The following PIAS2 variants were observed in gnomAD, a reference collection of about 807,000 sequenced individuals.
The protein encoded by PIAS2 is protein inhibitor of activated STAT 2.
In PIAS2, 19 loss-of-function variants were observed where a neutral mutation model predicts 69.7. That is an observed-to-expected ratio of 0.27 (90% CI 0.19 to 0.40). The LOEUF (loss-of-function observed/expected upper bound fraction) is 0.40. PIAS2 is among the 10% of genes least tolerant of loss of function. The pLI is 1.00. For missense variants in PIAS2, 624 were observed against 757.0 expected (o/e 0.82, Z 2.06); for synonymous variants, 261 against 263.2 (o/e 0.99, Z 0.08).
intron 2 of PIAS2, among the ~76,000 whole-genome samples, chr18:46,873,449 G>A (rs2050679209): frequency 1.3e-5 from 2 of 152,304 alleles, no homozygotes; most frequent in Admixed American, 1.3e-4. Flanking sequence ...GGGGAAAAAG[G>A]AGTAATGGGT....
chr18:46,817,198 T>G (rs1176636077), intron 12 of PIAS2: 4 of 965,014 alleles, frequency 4.1e-6, no homozygotes, highest in Non-Finnish European at 4.9e-6. Context: ...TCTTTAATAT[T>G]TGCTGTATCT....
intron 8 of PIAS2, among the ~76,000 whole-genome samples, chr18:46,842,102 G>A (rs1371950934): frequency 1.6e-4 from 24 of 151,706 alleles, no homozygotes; most frequent in Admixed American, 1.6e-3. Flanking sequence ...GGCGTGTGGC[G>A]GTAGTCCCTG....
In PIAS2 at chr18:46,812,211, T is replaced by C. The variant is rs999057029; in HGVS notation, c.*222A>G. 8.3e-5 allele frequency: 34 copies of C among 410,812 alleles called. No homozygotes were observed. Among genetic ancestry groups the C allele is most frequent in the Non-Finnish European group, 1.5e-4 (34 of 230,380 alleles). 25.4% of individuals were successfully genotyped at this position (410,812 alleles called of 1,614,324 possible). A position where few individuals can be genotyped will look rare whatever the true frequency, so the allele number is the denominator to read the frequency against. On this transcript the variant is annotated 3_prime_UTR_variant, in exon 14 of 14. Coordinates refer to ENST00000585916, the MANE Select transcript of PIAS2 (RefSeq NM_004671.5). The stretch of plus-strand genomic sequence containing the variant: ...AGGAAGATACAGTTATGGTTGAATG[T>C]ATCTGATGCTGAGAGTACAGCATAA...
Position 46,807,366 on chromosome 18 carries a change from TATATATATATATA to T in PIAS2, c.*5054_*5066del. 1 of 26,870 alleles carries T rather than the reference TATATATATATATA, an allele frequency of 3.7e-5. No individual in the cohort carries two copies. Among genetic ancestry groups the T allele is most frequent in the East Asian group, 5.2e-4 (1 of 1,926 alleles). 1.7% of individuals were successfully genotyped at this position (26,870 alleles called of 1,614,324 possible). Reference sequence around the variant, plus strand: ...AAACATGTCAGATTTTATATATATATATATATATATATATATATTTTTTTTTTTTTTTTTTTTT... The same window carrying T: ...AAACATGTCAGATTTTATATATATATTATATTTTTTTTTTTTTTTTTTTTT... On this transcript the variant is annotated 3_prime_UTR_variant, in exon 14 of 14. Coordinates refer to ENST00000585916, the MANE Select transcript of PIAS2 (RefSeq NM_004671.5).
chr18:46,847,575 G>A (rs2046340214), intron 5 of PIAS2, among the ~76,000 whole-genome samples: 1 of 151,104 alleles, frequency 6.6e-6, no homozygotes, highest in African/African-American at 2.4e-5. Flanking sequence ...TCCGCCTCTC[G>A]GGTTCACGCC....
chr18:46,836,409 T>G lies in PIAS2; in HGVS notation c.1150A>C (p.Ile384Leu). ...LQMNEKKPTW[I>L]CPVCDKKAAY... ...GCTTTTTTGTCACACACAGGACAAA[T>G]CCAGGTGGGCTTTTTCTCATTCATT... The change falls in exon 9 of 14, where the codon ATT becomes CTT. Residue 384 changes from isoleucine (I) to leucine (L), a missense_variant. Ile to Leu is a conservative substitution (Grantham distance 5, BLOSUM62 2). Coordinates refer to ENST00000585916, the MANE Select transcript of PIAS2 (RefSeq NM_004671.5). 6.2e-7 allele frequency: 1 copy of G among 1,614,054 alleles called. No homozygotes were observed. The highest frequency in any genetic ancestry group is 8.5e-7 in the Non-Finnish European group (1 of 1,179,924).
chr18:46,832,892 C>CAAAAAAAAAAAAAAAAAA (rs34958166), intron 9 of PIAS2, among the ~76,000 whole-genome samples: 8 of 105,964 alleles, frequency 7.5e-5, no homozygotes, highest in South Asian at 3.2e-4. Context: ...CCTCTGTCTC[C>CAAAAAAAAAAAAAAAAAA]AAAAAAAAAA....
intron 4 of PIAS2, 50 bp from the exon 5 acceptor site, chr18:46,855,485 C>A: frequency 1.3e-6 from 2 of 1,566,120 alleles, no homozygotes; most frequent in Non-Finnish European, 1.8e-6. Flanking sequence ...CTCAAACATT[C>A]TTATATGTTT....
intron 2 of PIAS2, among the ~76,000 whole-genome samples, chr18:46,888,651 T>C (rs1284795014): frequency 6.6e-6 from 1 of 152,166 alleles, no homozygotes; most frequent in East Asian, 1.9e-4. Context: ...GATGAAACTG[T>C]TCCACCTCAG....
rs34185543 is a variant in PIAS2, at chr18:46,916,403, TA to T, written c.24+918del. Among the ~76,000 whole-genome samples the T allele has an allele frequency of 7.3e-3, 1,071 of 146,716 alleles. 6 individuals carry two copies. Among genetic ancestry groups the T allele is most frequent in the East Asian group, 0.017 (87 of 5,064 alleles). ...ACACTCATCTCTACCTTGATACATT[TA>T]AAAAAAAAAAAAATCAGGGTTTCTG... On this transcript the variant is annotated intron_variant, in intron 1 of 13. Transcript: ENST00000585916.
Position 46,807,373 on chromosome 18 carries a change from ATATATATATATTTTTTT to A in PIAS2, c.*5043_*5059del, listed in dbSNP as rs1479078053. 1.5e-4 allele frequency: 4 copies of A among 26,036 alleles called. No individual in the cohort carries two copies. The highest frequency in any genetic ancestry group is 1.1e-3 in the African/African-American group (4 of 3,500). 1.6% of individuals were successfully genotyped at this position (26,036 alleles called of 1,614,324 possible). ...TCAGATTTTATATATATATATATAT[ATATATATATATTTTTTT>A]TTTTTTTTTTTTTTTTTTTTAGAGA... On this transcript the variant is annotated 3_prime_UTR_variant, in exon 14 of 14. Coordinates refer to ENST00000585916, the MANE Select transcript of PIAS2 (RefSeq NM_004671.5).
chr18:46,893,415 C>T, intron 1 of PIAS2: 2 of 946,732 alleles, frequency 2.1e-6, no homozygotes, highest in Non-Finnish European at 2.5e-6. Context: ...CAAAACAAAG[C>T]ACAAAGTCAT....
intron 8 of PIAS2, among the ~76,000 whole-genome samples, chr18:46,841,524 A>G (rs2045385742): frequency 6.6e-6 from 1 of 152,158 alleles, no homozygotes; most frequent in South Asian, 2.1e-4. Flanking sequence ...TTCATCATCT[A>G]ACTTCTGTCA....
chr18:46,901,625 G>C (rs1409353375), intron 1 of PIAS2, among the ~76,000 whole-genome samples: 1 of 152,084 alleles, frequency 6.6e-6, no homozygotes, highest in East Asian at 1.9e-4. Flanking sequence ...CTCTGTATTT[G>C]TTTTGAGATC....
intron 2 of PIAS2, among the ~76,000 whole-genome samples, chr18:46,868,863 G>A (rs2049895481): frequency 6.6e-6 from 1 of 152,208 alleles, no homozygotes; most frequent in African/African-American, 2.4e-5. Context: ...CTGCCTCACT[G>A]TGGTGGCCTC....
chr18:46,920,058 C>A (rs1439871891), upstream of PIAS2: 1 of 1,289,412 alleles, frequency 7.8e-7, no homozygotes, highest in African/African-American at 1.5e-5. Flanking sequence ...CTGAAACTTA[C>A]GTGCAGTGTT....
intron 1 of PIAS2, among the ~76,000 whole-genome samples, chr18:46,901,676 A>G (rs989752532): frequency 2.0e-5 from 3 of 152,246 alleles, no homozygotes; most frequent in Admixed American, 6.5e-5. Flanking sequence ...AAACCAAATC[A>G]TATGATCAAA....
chr18:46,879,809 G>A (rs1791852738), intron 2 of PIAS2, among the ~76,000 whole-genome samples: 5 of 152,134 alleles, frequency 3.3e-5, no homozygotes, highest in Admixed American at 3.3e-4. Context: ...ATCACAAGAA[G>A]ACAGATAATA....
At chr18:46,864,910 TTTTG>T (rs2049200291) in intron 2 of PIAS2, among the ~76,000 whole-genome samples, 1 of 152,168 alleles carries the variant, frequency 6.6e-6, no homozygotes, top group Non-Finnish European at 1.5e-5. Context: ...ATTAAATGTT[TTTTG>T]TTTATTTTTC....
Sources: gnomAD v4.1 joint callset for allele counts (sites outside exome capture counted in the v4.1 genomes callset) on GRCh38, gnomAD v4.1.1 for gene constraint, MANE v1.5 for transcripts, NCBI Gene and HGNC (gene_info 2026-07-23, HGNC 2026-07-21) for gene names.